The following CLNK variants were observed in gnomAD, a reference collection of about 807,000 sequenced individuals.
CLNK encodes cytokine dependent hematopoietic cell linker.
In CLNK, 74 loss-of-function variants were observed where a neutral mutation model predicts 68.6. The ratio of observed to expected loss-of-function variants is 1.08; its 90% CI spans 0.89 to 1.31. The LOEUF (loss-of-function observed/expected upper bound fraction) is 1.31. Ranked by LOEUF, CLNK falls within the 50% of genes most tolerant of loss-of-function variation. The pLI is 0.00. For synonymous variants in CLNK, 198 were observed against 172.2 expected (o/e 1.15, Z -1.17); for missense variants, 553 against 515.3 (o/e 1.07, Z -0.71).
At chr4:10,617,102 G>A (rs1390401312) in intron 2 of CLNK, among the ~76,000 whole-genome samples, 1 of 151,952 alleles carries the variant, frequency 6.6e-6, no homozygotes, top group Non-Finnish European at 1.5e-5. Flanking sequence ...CACAATATAA[G>A]TTAATGCTAC....
chr4:10,628,622 G>A (rs981125371), intron 2 of CLNK, among the ~76,000 whole-genome samples: 17 of 152,250 alleles, frequency 1.1e-4, no homozygotes, highest in African/African-American at 4.1e-4. Flanking sequence ...TCCCTGGGAC[G>A]AACTGTGCAC....
chr4:10,676,506 T>G (rs976419530), intron 1 of CLNK, among the ~76,000 whole-genome samples: 1 of 151,862 alleles, frequency 6.6e-6, no homozygotes, highest in African/African-American at 2.4e-5. Flanking sequence ...TAACTTCCCT[T>G]GAGTATCTCA....
At chr4:10,657,671 T>C (rs1017291690) in intron 2 of CLNK, among the ~76,000 whole-genome samples, 3 of 152,194 alleles carry the variant, frequency 2.0e-5, no homozygotes, top group Admixed American at 6.5e-5. Flanking sequence ...TGGGAACAAA[T>C]GGCAGCACAA....
At chr4:10,620,466 A>G (rs952809334) in intron 2 of CLNK, among the ~76,000 whole-genome samples, 3 of 151,916 alleles carry the variant, frequency 2.0e-5, no homozygotes, top group Non-Finnish European at 4.4e-5. Context: ...ACTCAGTAGG[A>G]CTCCCTCTAA....
chr4:10,719,072 T>A, the CLNK span, among the ~76,000 whole-genome samples: 8 of 151,388 alleles, frequency 5.3e-5, no homozygotes, highest in Non-Finnish European at 1.0e-4. Flanking sequence ...CATAGATAAA[T>A]CAAAATGTAA....
chr4:10,612,821 C>T (rs1235581488), intron 2 of CLNK, among the ~76,000 whole-genome samples: 1 of 152,126 alleles, frequency 6.6e-6, no homozygotes, highest in Non-Finnish European at 1.5e-5. Context: ...ATCTGTGTTC[C>T]CCAGGGACTG....
intron 7 of CLNK, among the ~76,000 whole-genome samples, chr4:10,563,461 G>C (rs532254793): frequency 1.1e-4 from 17 of 152,154 alleles, no homozygotes; most frequent in Non-Finnish European, 1.8e-4. Context: ...AAATCCCATA[G>C]TGGGTTATGC....
rs532857760 is a variant in CLNK, at chr4:10,520,834, A to G, written c.732-3T>C. On this transcript the variant is annotated splice_region_variant and splice_polypyrimidine_tract_variant and intron_variant, in intron 14 of 18. Transcript: ENST00000226951. ...GGTTGCTTGTCGTGAATGAAGAACT[A>G]TAAGAAAATATGTTAAAATTCAAAG... 3.0e-5 allele frequency: 48 copies of G among 1,598,218 alleles called. No individual in the cohort carries two copies. The South Asian group carries it at 4.3e-4, about 14-fold the overall frequency.
At chr4:10,540,440 C>T in intron 11 of CLNK, 54 bp downstream of exon 11, 1 of 1,381,192 alleles carries the variant, frequency 7.2e-7, no homozygotes, top group Non-Finnish European at 1.0e-6. Context: ...TTGTCCCCCT[C>T]CCCCACACCC....
Position 10,523,356 on chromosome 4 carries a change from T to C in CLNK, c.731+2485A>G, listed in dbSNP as rs138703692. ...CACTGGGTCATTAGATACACAGGTC[T>C]GGAGCTGAGAGAGGTGATTTGCAGA... On this transcript the variant is annotated intron_variant, in intron 14 of 18. Coordinates refer to ENST00000226951, the MANE Select transcript of CLNK (RefSeq NM_052964.4). Among the ~76,000 whole-genome samples the C allele has an allele frequency of 3.0e-3, 451 of 152,294 alleles. 2 individuals are homozygous for C. The highest frequency in any genetic ancestry group is 0.01 in the African/African-American group (431 of 41,562).
At chr4:10,644,496 T>A (rs1321048209) in intron 2 of CLNK, among the ~76,000 whole-genome samples, 1 of 152,170 alleles carries the variant, frequency 6.6e-6, no homozygotes, top group Non-Finnish European at 1.5e-5. Context: ...TGTAAATTCT[T>A]TCCCAGCTAG....
the CLNK span, among the ~76,000 whole-genome samples, chr4:10,701,311 T>C: frequency 6.0e-3 from 911 of 152,326 alleles, 8 homozygotes; most frequent in African/African-American, 0.021. Context: ...GCCTCTCTCT[T>C]AGCCAGTGTG....
chr4:10,614,720 T>A (rs994306225), intron 2 of CLNK, among the ~76,000 whole-genome samples: 3 of 152,244 alleles, frequency 2.0e-5, no homozygotes, highest in Non-Finnish European at 2.9e-5. Flanking sequence ...GATTTATTTC[T>A]CTTATCTGCA....
At chr4:10,639,582 A>T (rs1247414508) in intron 2 of CLNK, among the ~76,000 whole-genome samples, 1 of 152,230 alleles carries the variant, frequency 6.6e-6, no homozygotes, top group East Asian at 1.9e-4. Flanking sequence ...TAAGACCATG[A>T]ATTAGCAGTT....
chr4:10,535,239 G>GA (rs1256858163), intron 11 of CLNK, among the ~76,000 whole-genome samples: 1 of 150,108 alleles, frequency 6.7e-6, no homozygotes, highest in East Asian at 2.0e-4. Context: ...AAGAAAGAAA[G>GA]AAAGAAAGAA....
the CLNK span, among the ~76,000 whole-genome samples, chr4:10,699,310 C>CGTGTATACACACACCCCACATACGTGT: frequency 1.7e-3 from 57 of 34,422 alleles, 3 homozygotes; most frequent in African/African-American, 5.1e-3. Flanking sequence ...ACACCACATA[C>CGTGTATACACACACCCCACATACGTGT]GTGTATACAC....
intron 1 of CLNK, among the ~76,000 whole-genome samples, chr4:10,679,362 A>C: frequency 6.6e-6 from 1 of 152,248 alleles, no homozygotes; most frequent in Admixed American, 6.5e-5. Context: ...CACAAAAATT[A>C]ATTCAAGATG....
At chr4:10,605,478 T>G (rs1006513940) in intron 2 of CLNK, among the ~76,000 whole-genome samples, 5 of 151,872 alleles carry the variant, frequency 3.3e-5, no homozygotes, top group African/African-American at 1.2e-4. Flanking sequence ...CTTGTATATA[T>G]AAAGATATCT....
At chr4:10,733,075 A>C in the CLNK span, among the ~76,000 whole-genome samples, 2 of 152,112 alleles carry the variant, frequency 1.3e-5, no homozygotes, top group Admixed American at 6.5e-5. Flanking sequence ...AGCAATTCCA[A>C]GCCCCCCTTT....
Sources: allele counts gnomAD v4.1 joint callset (sites outside exome capture counted in the v4.1 genomes callset), GRCh38; gene constraint gnomAD v4.1.1; transcripts MANE v1.5; gene names NCBI Gene and HGNC (gene_info 2026-07-23, HGNC 2026-07-21).